Variants in PTPRD observed in about 807,000 individuals in gnomAD.
PTPRD encodes the protein receptor-type tyrosine-protein phosphatase delta.
In PTPRD, 34 loss-of-function variants were observed where a neutral mutation model predicts 214.5. That is an observed-to-expected ratio of 0.16 (90% CI 0.12 to 0.21). The LOEUF (loss-of-function observed/expected upper bound fraction) is 0.21. Ranked by LOEUF, PTPRD falls within the 10% of genes least tolerant of loss-of-function variation. The pLI, the probability that PTPRD is intolerant of heterozygous loss-of-function variation, is 1.00. For synonymous variants in PTPRD, 1,128 were observed against 845.7 expected (o/e 1.33, Z -5.79); for missense variants, 2,545 against 2,398.7 (o/e 1.06, Z -1.27).
intron 36 of PTPRD, 107 bp from the exon 37 acceptor site, chr9:8,389,514 A>G: frequency 1.3e-6 from 1 of 777,208 alleles, no homozygotes; most frequent in Non-Finnish European, 2.0e-6. Context: ...CTCACACTAG[A>G]GAAGTCACAA....
intron 9 of PTPRD, among the ~76,000 whole-genome samples, chr9:9,327,430 T>C (rs952939944): frequency 1.3e-5 from 2 of 152,120 alleles, no homozygotes; most frequent in Non-Finnish European, 2.9e-5. Flanking sequence ...TCTTAAAAAA[T>C]TTACGTTTGT....
rs992220479 is a variant in PTPRD at position 8,500,686 on chromosome 9, C to G, written c.2128+68G>C. ...AGCAGAGAAAAAAGATTACTGTGAG[C>G]CTATTGAAAGACAGCAGATCAAGAC... On this transcript the variant is annotated intron_variant, in intron 24 of 45. Transcript: ENST00000381196. The G allele has an allele frequency of 3.4e-6, 5 of 1,473,496 alleles. No individual in the cohort carries two copies. In the East Asian group the frequency reaches 9.3e-5, roughly 27 times the overall value. The allele number at this position is 1,473,496 out of a possible 1,614,324, so 91.3% of individuals were successfully genotyped here.
At chr9:9,754,325 G>C (rs376767727) in intron 6 of PTPRD, among the ~76,000 whole-genome samples, 1 of 152,014 alleles carries the variant, frequency 6.6e-6, no homozygotes, top group African/African-American at 2.4e-5. Flanking sequence ...TGGATGACTT[G>C]TAAACTTTTA....
At chr9:9,951,316 C>A (rs890658127) in intron 4 of PTPRD, among the ~76,000 whole-genome samples, 2 of 152,134 alleles carry the variant, frequency 1.3e-5, no homozygotes, top group Non-Finnish European at 2.9e-5. Flanking sequence ...TTCTTATCTC[C>A]TAAAATTAAA....
rs578046860 is a variant in PTPRD, at chr9:10,184,994, T to C, written c.-544-151204A>G. Among the ~76,000 whole-genome samples the C allele has an allele frequency of 2.0e-5, 3 of 152,246 alleles. No homozygotes were observed. In the South Asian group the frequency reaches 6.2e-4, roughly 32 times the overall value. ...AAATCATTGCCACATTCATAACCTT[T>C]TGTGTAAAAAATCAGACACTCTATT... is the stretch of plus-strand genomic sequence containing the variant. On this transcript the variant is annotated intron_variant, in intron 3 of 45. Coordinates refer to ENST00000381196, the MANE Select transcript of PTPRD (RefSeq NM_002839.4).
chr9:8,898,601 G>T (rs2098639800), intron 11 of PTPRD, among the ~76,000 whole-genome samples: 1 of 152,130 alleles, frequency 6.6e-6, no homozygotes. Flanking sequence ...GAGGTTGAGT[G>T]AGATTTTATA....
chr9:9,984,689 T>C (rs1261770434), intron 4 of PTPRD, among the ~76,000 whole-genome samples: 2 of 152,076 alleles, frequency 1.3e-5, no homozygotes, highest in Non-Finnish European at 2.9e-5. Context: ...GGTGAATTGA[T>C]ACAATATCCC....
chr9:9,010,595 T>G (rs963303414), intron 11 of PTPRD, among the ~76,000 whole-genome samples: 1 of 152,168 alleles, frequency 6.6e-6, no homozygotes, highest in African/African-American at 2.4e-5. Context: ...GCACTTGAGG[T>G]TAGGTTCTTA....
At chr9:8,712,217 C>T (rs2098351285) in intron 12 of PTPRD, among the ~76,000 whole-genome samples, 1 of 152,076 alleles carries the variant, frequency 6.6e-6, no homozygotes, top group African/African-American at 2.4e-5. Flanking sequence ...ATGGAGCTGT[C>T]CTTAGTAATT....
At chr9:9,429,191 T>C (rs772109372) in intron 8 of PTPRD, among the ~76,000 whole-genome samples, 3 of 151,850 alleles carry the variant, frequency 2.0e-5, no homozygotes, top group Admixed American at 6.6e-5. Flanking sequence ...AAGAATCAAA[T>C]AGAACAATAA....
chr9:10,330,725 G>C (rs565153011), intron 3 of PTPRD, among the ~76,000 whole-genome samples: 1 of 151,914 alleles, frequency 6.6e-6, no homozygotes, highest in South Asian at 2.1e-4. Context: ...GGTGGATGTA[G>C]GGTGTTAGGC....
intron 9 of PTPRD, among the ~76,000 whole-genome samples, chr9:9,257,373 G>A (rs2131910642): frequency 6.6e-6 from 1 of 152,070 alleles, no homozygotes; most frequent in East Asian, 2.0e-4. Flanking sequence ...CACAATTTGA[G>A]GATGGAAGAG....
chr9:10,289,922 C>T (rs1044685460), intron 3 of PTPRD, among the ~76,000 whole-genome samples: 2 of 151,918 alleles, frequency 1.3e-5, no homozygotes, highest in African/African-American at 4.8e-5. Flanking sequence ...TGCTGAGGAG[C>T]GGTAGGGTAA....
chr9:10,506,464 C>A (rs2046000043), intron 2 of PTPRD, among the ~76,000 whole-genome samples: 1 of 151,936 alleles, frequency 6.6e-6, no homozygotes, highest in East Asian at 1.9e-4. Flanking sequence ...TTTAAAATAA[C>A]TAAAATAGTA....
At chr9:10,607,175 G>GTAAAA (rs1158095531) in intron 2 of PTPRD, among the ~76,000 whole-genome samples, 1 of 151,608 alleles carries the variant, frequency 6.6e-6, no homozygotes, top group African/African-American at 2.4e-5. Flanking sequence ...GAATATAGAG[G>GTAAAA]TAAAATATTT....
At chr9:10,541,967 T>C (rs2135315636) in intron 2 of PTPRD, among the ~76,000 whole-genome samples, 1 of 152,274 alleles carries the variant, frequency 6.6e-6, no homozygotes, top group Admixed American at 6.5e-5. Context: ...ATTATGTTGT[T>C]AAGGTATTTG....
chr9:10,372,695 T>A (rs1287409857), intron 2 of PTPRD, among the ~76,000 whole-genome samples: 1 of 151,994 alleles, frequency 6.6e-6, no homozygotes, highest in Non-Finnish European at 1.5e-5. Context: ...AATGGATAAC[T>A]TGTAAGTTCA....
chr9:10,152,890 T>G (rs2099070589), intron 3 of PTPRD, among the ~76,000 whole-genome samples: 1 of 152,122 alleles, frequency 6.6e-6, no homozygotes, highest in South Asian at 2.1e-4. Flanking sequence ...GGAGAACATT[T>G]TATTTACTAA....
rs1236933696 is a variant in PTPRD, at chr9:8,484,310, G to A, written c.3222C>T (p.Asn1074=). The change falls in exon 30 of 46, where the codon AAC becomes AAT. Residue 1074 remains asparagine (N), a synonymous_variant. Transcript: ENST00000381196. The part of the protein sequence containing the change: ...DGRATQKLIV[N]LKPEKSYSFV... ...ATGAATATGATTTCTCAGGCTTCAG[G>A]TTGACAATTAACTTCTGTGTGGCTC... 2.5e-6 allele frequency: 4 copies of A among 1,613,822 alleles called. No homozygotes were observed. Among genetic ancestry groups the A allele is most frequent in the South Asian group, 1.1e-5 (1 of 91,082 alleles).
Sources: allele counts gnomAD v4.1 joint callset (sites outside exome capture counted in the v4.1 genomes callset), GRCh38; gene constraint gnomAD v4.1.1; transcripts MANE v1.5; gene names NCBI Gene and HGNC (gene_info 2026-07-23, HGNC 2026-07-21).